The following RCOR2 variants were observed in gnomAD, a reference collection of about 807,000 sequenced individuals.
The protein encoded by RCOR2 is REST corepressor 2.
Under a neutral mutation model 58.9 loss-of-function variants are expected in RCOR2, and 19 were observed. The ratio of observed to expected loss-of-function variants is 0.32; its 90% CI spans 0.23 to 0.47. RCOR2 has a LOEUF of 0.47. RCOR2 is among the 20% of genes least tolerant of loss of function. The probability of loss-of-function intolerance (pLI) is 1.00; values close to 1 mark genes in which losing one functional copy is unlikely to be tolerated. For synonymous variants in RCOR2, 286 were observed against 278.7 expected (o/e 1.03, Z -0.26); for missense variants, 590 against 707.9 (o/e 0.83, Z 1.89).
At position 63,912,937 on chromosome 11, in the gene RCOR2, A is replaced by C; in HGVS notation, c.902T>G (p.Met301Arg). Reference protein sequence around the residue: ...LISLKRQVQSMKQTNSSLRQA... With the variant: ...LISLKRQVQSRKQTNSSLRQA... ...GCGCAGGCTGCTGTTCGTCTGCTTCATGCTCTGTACCTGGGAAGGCCAGGA... is the reference window on the plus strand; with the variant it reads ...GCGCAGGCTGCTGTTCGTCTGCTTCCTGCTCTGTACCTGGGAAGGCCAGGA... Residue 301 changes from methionine to arginine, a missense_variant, in exon 9 of 12, where the codon ATG becomes AGG. Met to Arg is a moderately conservative substitution (Grantham distance 91). This residue lies in a region of RCOR2 where 390 missense variants were observed against 478.7 expected (regional missense o/e 0.81). Coordinates refer to ENST00000301459, the MANE Select transcript of RCOR2 (RefSeq NM_173587.4). The C allele has an allele frequency of 6.2e-7, 1 of 1,613,180 alleles. No individual in the cohort carries two copies.
In RCOR2 at chr11:63,914,314, CCTCTTCGAG is replaced by C. The variant is rs1565161011; in HGVS notation, c.613_621del (p.Leu205_Glu207del). 1 of 1,613,610 alleles carries C rather than the reference CCTCTTCGAG, an allele frequency of 6.2e-7. No individual in the cohort carries two copies. The highest frequency in any genetic ancestry group is 1.1e-5 in the South Asian group (1 of 91,082). ...TCTCCCTCACTCACGCCTCCTCGACCCTCTTCGAGCTCATCACTGCTGACACAGGGGCCA... is the reference window on the plus strand; with the variant it reads ...TCTCCCTCACTCACGCCTCCTCGACCCTCATCACTGCTGACACAGGGGCCA... On this transcript the variant is annotated inframe_deletion, in exon 7 of 12. Transcript: ENST00000301459.
At chr11:63,915,072 G>A in intron 3 of RCOR2, 106 bp downstream of exon 3, 1 of 1,537,926 alleles carries the variant, frequency 6.5e-7, no homozygotes, top group African/African-American at 1.4e-5. Context: ...CCCAGGGCAA[G>A]GGTTGGACCC....
At position 63,911,559 on chromosome 11, in the gene RCOR2, A is replaced by C. The variant is rs1377297517; in HGVS notation, c.*306T>G. 2 of 276,372 alleles carry C rather than the reference A, an allele frequency of 7.2e-6. No homozygotes were observed. The highest frequency in any genetic ancestry group is 1.3e-5 in the Non-Finnish European group (2 of 149,738). 17.1% of individuals were successfully genotyped at this position (276,372 alleles called of 1,614,324 possible). A position where few individuals can be genotyped will look rare whatever the true frequency, so the allele number is the denominator to read the frequency against. ...GCTAAGGTCACTACCCCGGACACAC[A>C]AAGGGCAGGACCCAGAGGCCAAGCC... On this transcript the variant is annotated 3_prime_UTR_variant, in exon 12 of 12. Transcript: ENST00000301459.
the RCOR2 span, among the ~76,000 whole-genome samples, chr11:63,922,879 T>G: frequency 6.6e-6 from 1 of 152,108 alleles, no homozygotes; most frequent in Non-Finnish European, 1.5e-5. Flanking sequence ...CCCATCTGCA[T>G]GCCCCATGCC....
chr11:63,923,820 C>T, the RCOR2 span, among the ~76,000 whole-genome samples: 23 of 152,186 alleles, frequency 1.5e-4, no homozygotes, highest in Non-Finnish European at 3.2e-4. Flanking sequence ...CACTTGCTGT[C>T]CCCCAGGCCT....
At chr11:63,915,687 G>A in intron 1 of RCOR2, 76 bp from the exon 2 acceptor site, 2 of 1,315,454 alleles carry the variant, frequency 1.5e-6, no homozygotes, top group Non-Finnish European at 1.1e-6. Flanking sequence ...CGGGGGAGGT[G>A]GCCGGCCTGG....
chr11:63,925,587 G>A, the RCOR2 span, among the ~76,000 whole-genome samples: 2 of 152,050 alleles, frequency 1.3e-5, no homozygotes, highest in African/African-American at 2.4e-5. Context: ...GGAGGCAGAG[G>A]TGGGTGAATC....
chr11:63,914,967 CA>C lies in RCOR2; in HGVS notation c.266-14del. 6.2e-7 allele frequency: 1 copy of C among 1,613,902 alleles called. No individual in the cohort carries two copies. The highest frequency in any genetic ancestry group is 8.5e-7 in the Non-Finnish European group (1 of 1,179,996). On this transcript the variant is annotated splice_polypyrimidine_tract_variant and intron_variant, in intron 3 of 11. Coordinates refer to ENST00000301459, the MANE Select transcript of RCOR2 (RefSeq NM_173587.4). ...ATGTACTTGTCAACTGCAGGGGCAG[CA>C]GGGGCAGGGTCTTGGTGAAGGGGGT...
chr11:63,915,655 G>A lies in RCOR2; in HGVS notation c.128-44C>T, dbSNP rs1941846338. The stretch of plus-strand genomic sequence containing the variant: ...GCAGTCAGGACTCCAGGGAGGGCGG[G>A]CGGGAGGGAGGATGTGGCGGGCGGG... On this transcript the variant is annotated intron_variant, in intron 1 of 11. Transcript: ENST00000301459. 3.8e-6 allele frequency: 2 copies of A among 523,826 alleles called. 1 individual carries two copies. The highest frequency in any genetic ancestry group is 7.3e-6 in the Non-Finnish European group (2 of 274,352). 32.4% of individuals were successfully genotyped at this position (523,826 alleles called of 1,614,324 possible). A position where few individuals can be genotyped will look rare whatever the true frequency, so the allele number is the denominator to read the frequency against.
At chr11:63,912,555 G>A (rs775323005) in intron 10 of RCOR2, 21 bp from the exon 11 acceptor site, 5 of 1,603,178 alleles carry the variant, frequency 3.1e-6, no homozygotes, top group East Asian at 4.5e-5. Context: ...CAAAAGGGCA[G>A]CAGCGTCAAT....
Position 63,914,162 on chromosome 11 carries a change from G to C in RCOR2, c.683C>G (p.Pro228Arg), listed in dbSNP as rs779623588. ...DPADPKREPLPSRPLNARPGP... is the reference protein window; with the variant it reads ...DPADPKREPLRSRPLNARPGP... ...TGGGCGTGCATTCAGGGGCCGAGAG[G>C]GTAGAGGCTGCCAGTGAAAGGAGAG... Residue 228 changes from proline to arginine, a missense_variant, in exon 8 of 12, where the codon CCC (proline) becomes CGC (arginine). By Grantham distance (103) the Pro-to-Arg change is moderately radical. Coordinates refer to ENST00000301459, the MANE Select transcript of RCOR2 (RefSeq NM_173587.4). The C allele has an allele frequency of 6.2e-7, 1 of 1,613,714 alleles. No individual in the cohort carries two copies. The highest frequency in any genetic ancestry group is 8.5e-7 in the Non-Finnish European group (1 of 1,179,928).
In RCOR2 at chr11:63,912,035, G is replaced by A; in HGVS notation, c.1402C>T (p.Pro468Ser). 6.8e-7 allele frequency: 1 copy of A among 1,476,934 alleles called. No individual in the cohort carries two copies. The highest frequency in any genetic ancestry group is 8.9e-7 in the Non-Finnish European group (1 of 1,120,146). The allele number at this position is 1,476,934 out of a possible 1,614,324, so 91.5% of individuals were successfully genotyped here. Reference protein sequence around the residue: ...PTAPTLLRQPPPLQQGRFLQP... With the variant: ...PTAPTLLRQPSPLQQGRFLQP... ...AGGAAGCGGCCCTGCTGCAGTGGGG[G>A]TGGCTGTCGGAGCAGAGTGGGAGCC... The change falls in exon 12 of 12, where the codon CCC becomes TCC. Residue 468 changes from proline (P) to serine (S), a missense_variant. Transcript: ENST00000301459.
At chr11:63,915,795 G>GTT (rs1941848694) in intron 1 of RCOR2, among the ~76,000 whole-genome samples, 184 bp from the exon 2 acceptor site, 1 of 152,210 alleles carries the variant, frequency 6.6e-6, no homozygotes, top group Non-Finnish European at 1.5e-5. Context: ...GGGACTGGAA[G>GTT]AGGAAAAGAC....
chr11:63,923,182 C>T, the RCOR2 span, among the ~76,000 whole-genome samples: 1 of 151,940 alleles, frequency 6.6e-6, no homozygotes, highest in African/African-American at 2.4e-5. Context: ...CAGTGCCAGC[C>T]CCACCACACA....
At chr11:63,915,486 A>G in intron 2 of RCOR2, 69 bp downstream of exon 2, 1 of 1,485,442 alleles carries the variant, frequency 6.7e-7, no homozygotes, top group East Asian at 2.5e-5. Flanking sequence ...AGGGCGCCCC[A>G]GGTGGGGCTG....
In RCOR2 at chr11:63,912,165, C is replaced by A. The variant is rs754075337; in HGVS notation, c.1272G>T (p.Ser424=). The change falls in exon 12 of 12, where the codon TCG becomes TCT. Residue 424 remains serine, a synonymous_variant. Coordinates refer to ENST00000301459, the MANE Select transcript of RCOR2 (RefSeq NM_173587.4). ...LEEDDEVQIT[S]VSTSVPRSVP... is the part of the protein sequence containing the mutation. ...CTGATCGGGGCACGGACGTGGAGAC[C>A]GATGTAATCTGGACCTGAGGGGAGA... 4 of 1,550,722 alleles carry A rather than the reference C, an allele frequency of 2.6e-6. No homozygotes were observed. Among genetic ancestry groups the A allele is most frequent in the Admixed American group, 2.0e-5 (1 of 50,540 alleles).
In RCOR2 at chr11:63,911,895, G is replaced by A. The variant is rs1417732854; in HGVS notation, c.1542C>T (p.Thr514=). Residue 514 remains threonine, a synonymous_variant, in exon 12 of 12, where the codon ACC becomes ACT. Coordinates refer to ENST00000301459, the MANE Select transcript of RCOR2 (RefSeq NM_173587.4). ...GTGAGGGTGCTGGGGGCTCCAGAGG[G>A]GTTCCAATCAGGGTGGGTGGGGGCT... ...GPQPPPTLIG[T]PLEPPAPSL The A allele has an allele frequency of 4.3e-6, 6 of 1,399,032 alleles. No individual in the cohort carries two copies. Among genetic ancestry groups the A allele is most frequent in the South Asian group, 1.4e-5 (1 of 71,692 alleles). 86.7% of individuals were successfully genotyped at this position (1,399,032 alleles called of 1,614,324 possible). A position where few individuals can be genotyped will look rare whatever the true frequency, so the allele number is the denominator to read the frequency against.
At position 63,912,002 on chromosome 11, in the gene RCOR2, G is replaced by A. The variant is rs1382407396; in HGVS notation, c.1435C>T (p.Arg479Trp). Residue 479 changes from arginine (R) to tryptophan (W), a missense_variant, in exon 12 of 12, where the codon CGG becomes TGG. By Grantham distance (101) the Arg-to-Trp change is moderately radical. Around this residue, in one of 3 missense-constraint regions of RCOR2, gnomAD observed 196 missense variants for 210.7 expected, o/e 0.93. Transcript: ENST00000301459. ...PLQQGRFLQP[R>W]LAPNQPPPPL... ...GGTGGGGGCTGGTTGGGGGCCAGCC[G>A]GGGCTGGAGGAAGCGGCCCTGCTGC... is the stretch of plus-strand genomic sequence containing the variant. 23 of 1,428,576 alleles carry A rather than the reference G, an allele frequency of 1.6e-5. No individual in the cohort carries two copies. In the Admixed American group the frequency reaches 2.0e-4, roughly 12 times the overall value. 88.5% of individuals were successfully genotyped at this position (1,428,576 alleles called of 1,614,324 possible).
chr11:63,914,287 G>C lies in RCOR2; in HGVS notation c.649C>G (p.Pro217Ala). The C allele has an allele frequency of 6.2e-7, 1 of 1,613,482 alleles. No individual in the cohort carries two copies. Among genetic ancestry groups the C allele is most frequent in the Non-Finnish European group, 8.5e-7 (1 of 1,179,990 alleles). The change falls in exon 7 of 12, where the codon CCC becomes GCC. Residue 217 changes from proline to alanine, a missense_variant. Coordinates refer to ENST00000301459, the MANE Select transcript of RCOR2 (RefSeq NM_173587.4). ...TCTCTCTTGGGATCTGCAGGATCGG[G>C]CTCTCCCTCACTCACGCCTCCTCGA... ...EGRGGVSEGE[P>A]DPADPKREPL...
Sources: allele counts gnomAD v4.1 joint callset (sites outside exome capture counted in the v4.1 genomes callset), GRCh38; gene constraint gnomAD v4.1.1; regional missense constraint gnomAD v4.1.1; transcripts MANE v1.5; gene names NCBI Gene and HGNC (gene_info 2026-07-23, HGNC 2026-07-21).